P2RX7: variants seen among roughly 807,000 people sequenced by gnomAD.
P2RX7 encodes the protein P2X purinoceptor 7.
In P2RX7, 62 loss-of-function variants were observed where a neutral mutation model predicts 71.6. The ratio of observed to expected loss-of-function variants is 0.87; its 90% CI spans 0.71 to 1.07. The LOEUF (loss-of-function observed/expected upper bound fraction) is 1.07. P2RX7 is among the 50% of genes least tolerant of loss of function. The pLI, the probability that P2RX7 is intolerant of heterozygous loss-of-function variation, is 0.00. For missense variants in P2RX7, 686 were observed against 748.5 expected, an observed-to-expected ratio of 0.92 and a Z score of 0.97; for synonymous variants, 299 against 283.3, an observed-to-expected ratio of 1.06 and a Z score of -0.56.
At position 121,184,754 on chromosome 12, in the gene P2RX7, G is replaced by A; in HGVS notation, c.1740G>A (p.Glu580=). 2 of 1,554,302 alleles carry A rather than the reference G, an allele frequency of 1.3e-6. No individual in the cohort carries two copies. The highest frequency in any genetic ancestry group is 1.7e-6 in the Non-Finnish European group (2 of 1,148,446). Reference sequence around the variant, plus strand: ...GCTGCCGCTGGAGGATCCGGAAAGAGTTTCCGAAGAGTGAAGGGCAGTACA... The same window carrying A: ...GCTGCCGCTGGAGGATCCGGAAAGAATTTCCGAAGAGTGAAGGGCAGTACA... ...PSCCRWRIRK[E]FPKSEGQYSG... The change falls in exon 13 of 13, where the codon GAG becomes GAA. Residue 580 remains glutamate, a synonymous_variant. Coordinates refer to ENST00000328963, the MANE Select transcript of P2RX7 (RefSeq NM_002562.6).
chr12:121,166,323 A>G (rs208308), intron 7 of P2RX7, 136 bp downstream of exon 7: 255,074 of 874,408 alleles, frequency 0.29, 39,456 homozygotes, highest in South Asian at 0.34. Flanking sequence ...TCCACCCGCT[A>G]CGCTAAGGAC....
At chr12:121,175,079 G>A (rs1394879882) in intron 8 of P2RX7, among the ~76,000 whole-genome samples, 1 of 152,012 alleles carries the variant, frequency 6.6e-6, no homozygotes, top group Non-Finnish European at 1.5e-5. Flanking sequence ...GGAGCCTGAG[G>A]CAGGCAAATC....
chr12:121,180,480 T>TG, intron 12 of P2RX7, 25 bp downstream of exon 12: 2 of 1,305,840 alleles, frequency 1.5e-6, no homozygotes, highest in Non-Finnish European at 2.1e-6. Context: ...TTTGTCTTTT[T>TG]TTTTTTTTTA....
intron 5 of P2RX7, among the ~76,000 whole-genome samples, chr12:121,164,675 G>A (rs1193873687): frequency 1.3e-5 from 2 of 152,118 alleles, no homozygotes; most frequent in African/African-American, 4.8e-5. Flanking sequence ...CCGGCTACTC[G>A]GGAGGCTGAG....
intron 8 of P2RX7, among the ~76,000 whole-genome samples, chr12:121,174,048 C>CTTTTTT (rs141344773): frequency 2.4e-4 from 18 of 73,902 alleles, no homozygotes; most frequent in Non-Finnish European, 3.3e-4. Flanking sequence ...CTTTTCTTTT[C>CTTTTTT]TTTTTTTTTT....
rs939596640 is a variant in P2RX7 at position 121,187,245 on chromosome 12, G to A, written c.*2443G>A. On this transcript the variant is annotated 3_prime_UTR_variant, in exon 13 of 13. Transcript: ENST00000328963. ...TATATGTTCTAAGAGTTACCATTTT[G>A]ATACCTTTTAAAAACCAGCAGCTTT... 1 of 152,144 alleles carries A rather than the reference G, an allele frequency of 6.6e-6. No homozygotes were observed. The highest frequency in any genetic ancestry group is 1.5e-5 in the Non-Finnish European group (1 of 68,010). The allele number at this position is 152,144 out of a possible 1,614,324, so 9.4% of individuals were successfully genotyped here.
chr12:121,183,623 TC>T (rs1355260053), intron 12 of P2RX7, among the ~76,000 whole-genome samples: 1 of 151,002 alleles, frequency 6.6e-6, no homozygotes, highest in East Asian at 1.9e-4. Flanking sequence ...AAAAACCATT[TC>T]CAATAGTGCT....
chr12:121,171,523 C>T (rs1882185857), intron 8 of P2RX7, among the ~76,000 whole-genome samples: 1 of 151,874 alleles, frequency 6.6e-6, no homozygotes, highest in Non-Finnish European at 1.5e-5. Flanking sequence ...TGGGGCTTAC[C>T]CTAAATCCAG....
chr12:121,158,853 C>T (rs1879092132), intron 3 of P2RX7, among the ~76,000 whole-genome samples: 1 of 152,174 alleles, frequency 6.6e-6, no homozygotes, highest in African/African-American at 2.4e-5. Context: ...TGAATGATCA[C>T]ACATTCATTC....
intron 12 of P2RX7, among the ~76,000 whole-genome samples, chr12:121,183,608 C>T (rs889451789): frequency 8.6e-5 from 13 of 151,270 alleles, no homozygotes; most frequent in Non-Finnish European, 1.6e-4. Flanking sequence ...CACACACACA[C>T]ACACAAAAAC....
chr12:121,174,876 G>T (rs979559247), intron 8 of P2RX7, among the ~76,000 whole-genome samples: 6 of 151,988 alleles, frequency 3.9e-5, no homozygotes, highest in South Asian at 2.1e-4. Flanking sequence ...GGGGAGGGGG[G>T]ACTGCTCTTT....
Position 121,185,865 on chromosome 12 carries a change from C to G in P2RX7, c.*1063C>G, listed in dbSNP as rs1187496517. 1.3e-5 allele frequency: 2 copies of G among 151,876 alleles called. No individual in the cohort carries two copies. The highest frequency in any genetic ancestry group is 4.8e-5 in the African/African-American group (2 of 41,332). The allele number at this position is 151,876 out of a possible 1,614,324, so 9.4% of individuals were successfully genotyped here. A position where few individuals can be genotyped will look rare whatever the true frequency, so the allele number is the denominator to read the frequency against. On this transcript the variant is annotated 3_prime_UTR_variant, in exon 13 of 13. Transcript: ENST00000328963. Reference sequence around the variant, plus strand: ...AAAGTCAGGAGTCCAAGACCAGACTCGCCAACATGGTGAAACCGTATCTCT... The same window carrying G: ...AAAGTCAGGAGTCCAAGACCAGACTGGCCAACATGGTGAAACCGTATCTCT...
Position 121,154,671 on chromosome 12 carries a change from C to T in P2RX7, c.126-114C>T. The T allele has an allele frequency of 1.3e-6, 1 of 756,474 alleles. No individual in the cohort carries two copies. Among genetic ancestry groups the T allele is most frequent in the Non-Finnish European group, 2.4e-6 (1 of 415,616 alleles). The allele number at this position is 756,474 out of a possible 1,614,324, so 46.9% of individuals were successfully genotyped here. A position where few individuals can be genotyped will look rare whatever the true frequency, so the allele number is the denominator to read the frequency against. On this transcript the variant is annotated intron_variant, in intron 1 of 12. Transcript: ENST00000328963. The surrounding 1 kb of genome is among the most constrained non-coding windows in gnomAD (Gnocchi z 4.2). ...AGAGGGAAAACAAGTCACACGGAAG[C>T]AAGTCACGCAGCAGAGCTAGGATTG...
intron 12 of P2RX7, among the ~76,000 whole-genome samples, chr12:121,180,756 A>T (rs1415483292): frequency 6.6e-6 from 1 of 152,094 alleles, no homozygotes; most frequent in African/African-American, 2.4e-5. Context: ...TGAGGTCAGG[A>T]GTTCGAGACC....
At position 121,149,943 on chromosome 12, in the gene P2RX7, C is replaced by T. The variant is rs1244650784; in HGVS notation, c.126-4842C>T. 1.3e-5 allele frequency among the ~76,000 whole-genome samples: 2 copies of T among 152,180 alleles called. No individual in the cohort carries two copies. Among genetic ancestry groups the T allele is most frequent in the South Asian group, 2.1e-4 (1 of 4,834 alleles). On this transcript the variant is annotated intron_variant, in intron 1 of 12. Transcript: ENST00000328963. This position sits in a 1 kb window ranked among gnomAD's most constrained non-coding sequence, Gnocchi z 4.7. ...TCCCGTTAGCTCCAGGTACCAGCGG[C>T]TTTGCCTTCTACAGAATGCATAACA...
intron 4 of P2RX7, among the ~76,000 whole-genome samples, chr12:121,161,229 A>G (rs1437732038): frequency 6.6e-6 from 1 of 152,222 alleles, no homozygotes; most frequent in African/African-American, 2.4e-5. Flanking sequence ...TAATCGGTAG[A>G]AAATTCACAT....
At position 121,149,132 on chromosome 12, in the gene P2RX7, C is replaced by T. The variant is rs1876871575; in HGVS notation, c.126-5653C>T. The T allele has an allele frequency of 3.8e-6, 2 of 522,166 alleles. No homozygotes were observed. Among genetic ancestry groups the T allele is most frequent in the South Asian group, 1.5e-5 (1 of 64,794 alleles). 32.3% of individuals were successfully genotyped at this position (522,166 alleles called of 1,614,324 possible). ...TGCCAGTGTAAGTCTGTGACAGTCACTCATATTCAGAGCATGTGGATTGAG... is the reference window on the plus strand; with the variant it reads ...TGCCAGTGTAAGTCTGTGACAGTCATTCATATTCAGAGCATGTGGATTGAG... On this transcript the variant is annotated intron_variant, in intron 1 of 12. Coordinates refer to ENST00000328963, the MANE Select transcript of P2RX7 (RefSeq NM_002562.6). This position sits in a 1 kb window ranked among gnomAD's most constrained non-coding sequence, Gnocchi z 4.7.
At chr12:121,170,183 C>T (rs1359788777) in intron 8 of P2RX7, among the ~76,000 whole-genome samples, 3 of 152,120 alleles carry the variant, frequency 2.0e-5, no homozygotes, top group Non-Finnish European at 4.4e-5. Context: ...CATCCCCTGC[C>T]GCTGTGCTGA....
intron 1 of P2RX7, among the ~76,000 whole-genome samples, chr12:121,136,023 A>ATATATATATATATATAT (rs1281670064): frequency 3.3e-4 from 5 of 15,262 alleles, no homozygotes; most frequent in Admixed American, 1.7e-3. Flanking sequence ...AAAAAAAAAA[A>ATATATATATATATATAT]ATATATATAT....
Sources: gnomAD v4.1 joint callset for allele counts (sites outside exome capture counted in the v4.1 genomes callset) on GRCh38, gnomAD v4.1.1 for gene constraint, Gnocchi (gnomAD v3.1) non-coding constraint, MANE v1.5 for transcripts, NCBI Gene and HGNC (gene_info 2026-07-23, HGNC 2026-07-21) for gene names.